The following OPCML variants were observed in gnomAD, a reference collection of about 807,000 sequenced individuals.
The protein encoded by OPCML is opioid-binding protein/cell adhesion molecule.
A neutral mutation model predicts 37.8 loss-of-function variants in OPCML; 13 were observed. The ratio of observed to expected loss-of-function variants is 0.34; its 90% CI spans 0.22 to 0.55. The LOEUF is 0.55. Ranked by LOEUF, OPCML falls within the 20% of genes least tolerant of loss-of-function variation. The pLI is 0.91. For missense variants in OPCML, 341 were observed against 435.6 expected (o/e 0.78, Z 1.93); for synonymous variants, 176 against 168.8 (o/e 1.04, Z -0.33).
intron 3 of OPCML, among the ~76,000 whole-genome samples, chr11:132,610,054 G>A (rs144570996): frequency 6.6e-6 from 1 of 152,142 alleles, no homozygotes; most frequent in African/African-American, 2.4e-5. Context: ...AATAAATTTA[G>A]CAAGGAAAAT....
chr11:133,073,038 G>A (rs575815914), intron 1 of OPCML, among the ~76,000 whole-genome samples: 43 of 152,196 alleles, frequency 2.8e-4, no homozygotes, highest in Non-Finnish European at 5.1e-4. Context: ...TCACCATAGC[G>A]AAGCTGAGGT....
chr11:132,728,376 T>A (rs1944960522), intron 2 of OPCML, among the ~76,000 whole-genome samples: 1 of 152,120 alleles, frequency 6.6e-6, no homozygotes, highest in Non-Finnish European at 1.5e-5. Context: ...GGAATCACTG[T>A]GAAGGCATCG....
In OPCML at chr11:132,815,266, G is replaced by T. The variant is rs1440546508; in HGVS notation, c.146+127660C>A. On this transcript the variant is annotated intron_variant, in intron 2 of 7. Coordinates refer to ENST00000524381, the MANE Select transcript of OPCML (RefSeq NM_001012393.5). ...CCTGGACTTTTAAGTCTTGCTATGA[G>T]AATAGAAGTCTCCTCCGCATCTTGA... is the stretch of plus-strand genomic sequence containing the variant. 1.3e-5 allele frequency among the ~76,000 whole-genome samples: 2 copies of T among 152,096 alleles called. 1 individual carries two copies. The highest frequency in any genetic ancestry group is 1.3e-4 in the Admixed American group (2 of 15,272).
At chr11:132,631,345 A>G (rs1293383659) in intron 3 of OPCML, among the ~76,000 whole-genome samples, 1 of 83,752 alleles carries the variant, frequency 1.2e-5, no homozygotes, top group East Asian at 2.5e-4. Context: ...AAAAATAACC[A>G]TATATACATA....
intron 1 of OPCML, among the ~76,000 whole-genome samples, chr11:133,523,106 T>C (rs368889606): frequency 6.7e-4 from 102 of 152,294 alleles, no homozygotes; most frequent in African/African-American, 2.3e-3. Context: ...AAAACACAAC[T>C]AGGGCTTTTT....
chr11:133,517,264 A>C (rs2120669083), intron 1 of OPCML, among the ~76,000 whole-genome samples: 1 of 152,382 alleles, frequency 6.6e-6, no homozygotes, highest in Non-Finnish European at 1.5e-5. Context: ...AAATATGTGT[A>C]GTGATTATAT....
At chr11:133,061,095 G>A (rs1453595517) in intron 1 of OPCML, among the ~76,000 whole-genome samples, 1 of 152,148 alleles carries the variant, frequency 6.6e-6, no homozygotes, top group Non-Finnish European at 1.5e-5. Flanking sequence ...TGAACTCCTG[G>A]GTTTAAGCAG....
intron 1 of OPCML, among the ~76,000 whole-genome samples, chr11:133,221,069 T>C (rs1019399832): frequency 6.6e-6 from 1 of 152,234 alleles, no homozygotes; most frequent in Admixed American, 6.5e-5. Context: ...TATTTTGTAA[T>C]GCTCAGAGGC....
intron 2 of OPCML, among the ~76,000 whole-genome samples, chr11:132,782,211 A>G (rs1436885912): frequency 2.6e-5 from 4 of 151,648 alleles, no homozygotes; most frequent in Non-Finnish European, 5.9e-5. Flanking sequence ...AGAGGAAGCG[A>G]ACGCACCGAG....
In OPCML at chr11:133,376,191, T is replaced by A. The variant is rs1944799872; in HGVS notation, c.61+156073A>T. On this transcript the variant is annotated intron_variant, in intron 1 of 7. Transcript: ENST00000524381. ...TTTACACAAGAGTAAAAAATTGCAA[T>A]ACTTTTTTTTAATGTGCCTTTTGTA... Among the ~76,000 whole-genome samples the A allele has an allele frequency of 3.6e-5, 5 of 140,474 alleles. No individual in the cohort carries two copies. In the South Asian group the frequency reaches 1.1e-3, roughly 30 times the overall value. 92.2% of individuals were successfully genotyped at this position (140,474 alleles called of 152,430 possible). A position where few individuals can be genotyped will look rare whatever the true frequency, so the allele number is the denominator to read the frequency against.
intron 2 of OPCML, among the ~76,000 whole-genome samples, chr11:132,930,661 A>C (rs1461198733): frequency 2.6e-5 from 4 of 152,208 alleles, no homozygotes; most frequent in African/African-American, 9.6e-5. Flanking sequence ...TAAGAAGGTG[A>C]AAGTCGTATG....
intron 3 of OPCML, among the ~76,000 whole-genome samples, chr11:132,589,426 T>C (rs2137693417): frequency 6.6e-6 from 1 of 152,340 alleles, no homozygotes; most frequent in Non-Finnish European, 1.5e-5. Flanking sequence ...ATTATCTAGC[T>C]GAGATTAACT....
At chr11:133,347,594 C>A (rs930186740) in intron 1 of OPCML, among the ~76,000 whole-genome samples, 9 of 151,986 alleles carry the variant, frequency 5.9e-5, no homozygotes, top group African/African-American at 2.2e-4. Context: ...TTAGGTTGGC[C>A]TCTGAAATTA....
intron 1 of OPCML, among the ~76,000 whole-genome samples, chr11:133,482,489 G>T (rs1242581192): frequency 6.6e-6 from 1 of 152,122 alleles, no homozygotes; most frequent in Admixed American, 6.5e-5. Context: ...CTGAGTGGGA[G>T]GGAGGGTAGG....
intron 4 of OPCML, among the ~76,000 whole-genome samples, chr11:132,515,674 T>TC (rs1204730503): frequency 6.6e-6 from 1 of 152,228 alleles, no homozygotes; most frequent in African/African-American, 2.4e-5. Flanking sequence ...TTGGTTTTCT[T>TC]CCCCTTTTCC....
chr11:132,590,043 T>A (rs916899038), intron 3 of OPCML, among the ~76,000 whole-genome samples: 1 of 152,204 alleles, frequency 6.6e-6, no homozygotes, highest in Admixed American at 6.5e-5. Context: ...TTTCTATTTA[T>A]GGGCAATGCA....
chr11:132,440,584 C>A (rs2096029464), intron 4 of OPCML, among the ~76,000 whole-genome samples: 2 of 152,174 alleles, frequency 1.3e-5, no homozygotes, highest in South Asian at 4.1e-4. Flanking sequence ...CCTTGTGGAG[C>A]CTGCCCCTCC....
chr11:133,313,697 T>A (rs1943119988), intron 1 of OPCML, among the ~76,000 whole-genome samples: 1 of 152,056 alleles, frequency 6.6e-6, no homozygotes, highest in South Asian at 2.1e-4. Context: ...CTTTAGAAGC[T>A]GAAAAGACAA....
intron 1 of OPCML, among the ~76,000 whole-genome samples, chr11:133,049,331 G>A (rs35104064): frequency 5.3e-5 from 8 of 152,206 alleles, no homozygotes; most frequent in Non-Finnish European, 7.3e-5. Context: ...GGAGGAGAAT[G>A]ATCTGTCTAC....
Sources: gnomAD v4.1 joint callset for allele counts (sites outside exome capture counted in the v4.1 genomes callset) on GRCh38, gnomAD v4.1.1 for gene constraint, MANE v1.5 for transcripts, NCBI Gene and HGNC (gene_info 2026-07-23, HGNC 2026-07-21) for gene names.